TOM1L2: variants seen among roughly 807,000 people sequenced by gnomAD.
TOM1L2 encodes target of myb1 like 2 membrane trafficking protein.
TOM1L2 carries 31 observed loss-of-function variants against 67.9 expected under a neutral mutation model. The observed-to-expected ratio is 0.46, with a 90% CI of 0.34 to 0.62. TOM1L2 has a LOEUF of 0.62. Ranked by LOEUF, TOM1L2 falls within the 20% of genes least tolerant of loss-of-function variation. TOM1L2 has a pLI of 0.01. For synonymous variants in TOM1L2, 256 were observed against 254.0 expected (o/e 1.01, Z -0.07); for missense variants, 606 against 663.5 (o/e 0.91, Z 0.95).
chr17:17,849,014 G>A (rs1488498271), intron 13 of TOM1L2, 155 bp from the exon 14 acceptor site: 16 of 614,138 alleles, frequency 2.6e-5, no homozygotes, highest in African/African-American at 1.9e-5. Flanking sequence ...TTCTGTAATA[G>A]TAAAATACTG....
chr17:17,921,863 C>G (rs768074715), intron 1 of TOM1L2, among the ~76,000 whole-genome samples: 3 of 151,916 alleles, frequency 2.0e-5, no homozygotes, highest in Admixed American at 1.3e-4. Context: ...CTGTTCCCCT[C>G]GCCCTCGTGC....
chr17:17,909,667 C>G (rs1047298000), intron 1 of TOM1L2, among the ~76,000 whole-genome samples: 5 of 152,080 alleles, frequency 3.3e-5, no homozygotes, highest in African/African-American at 1.2e-4. Flanking sequence ...TGAAAGAGTT[C>G]TGGAGATGGT....
intron 1 of TOM1L2, among the ~76,000 whole-genome samples, chr17:17,950,318 G>A (rs529365872): frequency 4.6e-5 from 7 of 152,098 alleles, no homozygotes; most frequent in South Asian, 2.1e-4. Flanking sequence ...CACTATACCC[G>A]GCTCCTTTTT....
intron 1 of TOM1L2, among the ~76,000 whole-genome samples, chr17:17,924,630 G>T (rs777229693): frequency 6.6e-6 from 1 of 152,078 alleles, no homozygotes; most frequent in African/African-American, 2.4e-5. Flanking sequence ...CAGGCATGGT[G>T]GTACATGCCT....
At position 17,935,877 on chromosome 17, in the gene TOM1L2, G is replaced by GCACCACC. The variant is rs879868269; in HGVS notation, c.53-28347_53-28346insGGTGGTG. The stretch of plus-strand genomic sequence containing the variant: ...CACCTATCAATTTAGCAAATTCTGA[G>GCACCACC]GAATGACTCACACTGGTGGTGCCTG... On this transcript the variant is annotated intron_variant, in intron 1 of 14. Coordinates refer to ENST00000379504, the MANE Select transcript of TOM1L2 (RefSeq NM_001082968.2). Among the ~76,000 whole-genome samples, 157 of 152,288 alleles carry GCACCACC rather than the reference G, an allele frequency of 1.0e-3. 1 individual carries two copies. The highest frequency in any genetic ancestry group is 1.8e-3 in the Admixed American group (28 of 15,296).
intron 1 of TOM1L2, among the ~76,000 whole-genome samples, chr17:17,933,519 C>A (rs1041844288): frequency 6.6e-6 from 1 of 152,148 alleles, no homozygotes; most frequent in African/African-American, 2.4e-5. Context: ...TCCCTTGGGG[C>A]CTCTTTCCCT....
In TOM1L2 at chr17:17,893,829, G is replaced by C; in HGVS notation, c.217-19C>G. On this transcript the variant is annotated intron_variant, in intron 3 of 14. Transcript: ENST00000379504. ...CCAGCACCTGATGTGGGGAGGGAAG[G>C]AAAAGGGTCACCCCAGTGGGAGCTG... 6.2e-7 allele frequency: 1 copy of C among 1,611,298 alleles called. No individual in the cohort carries two copies. Among genetic ancestry groups the C allele is most frequent in the Non-Finnish European group, 8.5e-7 (1 of 1,178,560 alleles).
intron 1 of TOM1L2, among the ~76,000 whole-genome samples, chr17:17,911,304 G>T (rs996766914): frequency 6.6e-6 from 1 of 152,160 alleles, no homozygotes; most frequent in Non-Finnish European, 1.5e-5. Flanking sequence ...GGCCTGCCCT[G>T]CCCTGTCCAG....
chr17:17,923,828 G>C (rs912593448), intron 1 of TOM1L2, among the ~76,000 whole-genome samples: 9 of 152,098 alleles, frequency 5.9e-5, no homozygotes, highest in African/African-American at 1.7e-4. Context: ...GACAGAGCAA[G>C]AACTTGTGTC....
At chr17:17,907,875 T>C (rs1271533963) in intron 1 of TOM1L2, among the ~76,000 whole-genome samples, 1 of 152,208 alleles carries the variant, frequency 6.6e-6, no homozygotes, top group Non-Finnish European at 1.5e-5. Flanking sequence ...CACTACTTAC[T>C]AGTTGTGTGG....
At chr17:17,929,868 T>G (rs2040254048) in intron 1 of TOM1L2, among the ~76,000 whole-genome samples, 1 of 152,196 alleles carries the variant, frequency 6.6e-6, no homozygotes, top group Non-Finnish European at 1.5e-5. Flanking sequence ...ACTGTTGGTA[T>G]GAACACTTAG....
chr17:17,871,201 T>A (rs1013554993), intron 7 of TOM1L2, among the ~76,000 whole-genome samples: 1 of 142,570 alleles, frequency 7.0e-6, no homozygotes, highest in African/African-American at 3.1e-5. Context: ...AAACCCCGTC[T>A]CTACTAAAAA....
At chr17:17,946,174 T>G (rs2040942076) in intron 1 of TOM1L2, among the ~76,000 whole-genome samples, 2 of 152,150 alleles carry the variant, frequency 1.3e-5, no homozygotes, top group African/African-American at 4.8e-5. Context: ...CACCGCACCC[T>G]GCCGTAATTC....
At chr17:17,864,813 A>T (rs2036758580) in intron 10 of TOM1L2, among the ~76,000 whole-genome samples, 1 of 152,160 alleles carries the variant, frequency 6.6e-6, no homozygotes, top group Non-Finnish European at 1.5e-5. Context: ...AATTTTAAGT[A>T]TTAAATCTGG....
At chr17:17,869,732 A>C in intron 7 of TOM1L2, 1 of 1,128,884 alleles carries the variant, frequency 8.9e-7, no homozygotes, top group African/African-American at 1.6e-5. Context: ...TGCTTGTACA[A>C]ATCATTAAAA....
At chr17:17,910,248 C>T (rs8070722) in intron 1 of TOM1L2, among the ~76,000 whole-genome samples, 73,934 of 151,926 alleles carry the variant, frequency 0.49, 19,057 homozygotes, top group East Asian at 0.86. Flanking sequence ...AGCTCAGGAT[C>T]GTCAGTGGCA....
At chr17:17,923,414 C>A (rs577567145) in intron 1 of TOM1L2, among the ~76,000 whole-genome samples, 2 of 151,946 alleles carry the variant, frequency 1.3e-5, no homozygotes, top group South Asian at 2.1e-4. Flanking sequence ...ACAACAACAA[C>A]AAAACAACAA....
chr17:17,898,542 C>T lies in TOM1L2; in HGVS notation c.216+54G>A. 1.9e-6 allele frequency: 3 copies of T among 1,594,558 alleles called. No individual in the cohort carries two copies. The South Asian group carries it at 3.3e-5, about 18-fold the overall frequency. On this transcript the variant is annotated intron_variant, in intron 3 of 14. Transcript: ENST00000379504. Reference sequence around the variant, plus strand: ...GAAGGCCCTGTGAGGGGGGCAAGGCCAGGAGCAAGGAGTTCCCCAGATGAC... The same window carrying T: ...GAAGGCCCTGTGAGGGGGGCAAGGCTAGGAGCAAGGAGTTCCCCAGATGAC...
At chr17:17,947,456 T>C (rs1443701731) in intron 1 of TOM1L2, among the ~76,000 whole-genome samples, 3 of 152,148 alleles carry the variant, frequency 2.0e-5, no homozygotes, top group Non-Finnish European at 4.4e-5. Context: ...AAAGAAGTGA[T>C]TAAGTTAAAA....
Sources: gnomAD v4.1 joint callset for allele counts (sites outside exome capture counted in the v4.1 genomes callset) on GRCh38, gnomAD v4.1.1 for gene constraint, MANE v1.5 for transcripts, NCBI Gene and HGNC (gene_info 2026-07-23, HGNC 2026-07-21) for gene names.